Variants in FRAS1 observed in about 807,000 individuals in gnomAD.
FRAS1 encodes Fraser extracellular matrix complex subunit 1.
In FRAS1, 290 loss-of-function variants were observed where a neutral mutation model predicts 435.2. The ratio of observed to expected loss-of-function variants is 0.67; its 90% CI spans 0.61 to 0.73. The LOEUF is 0.73. Among genes scored for constraint, FRAS1 ranks in the 30% least tolerant of loss-of-function variants. The pLI, the probability that FRAS1 is intolerant of heterozygous loss-of-function variation, is 0.00. For missense variants in FRAS1, 4,860 were observed against 5,001.5 expected, an observed-to-expected ratio of 0.97 and a Z score of 0.85; for synonymous variants, 1,800 against 1,851.0, an observed-to-expected ratio of 0.97 and a Z score of 0.71.
chr4:78,078,351 A>G (rs544934833), intron 2 of FRAS1, among the ~76,000 whole-genome samples: 1 of 152,296 alleles, frequency 6.6e-6, no homozygotes, highest in South Asian at 2.1e-4. Flanking sequence ...CTATACATTT[A>G]ATACATATTA....
At chr4:78,331,859 C>T (rs1211931638) in intron 18 of FRAS1, among the ~76,000 whole-genome samples, 1 of 152,040 alleles carries the variant, frequency 6.6e-6, no homozygotes, top group Non-Finnish European at 1.5e-5. Context: ...TTTATTATTC[C>T]GATGTGTTGA....
At chr4:78,111,752 T>TAA (rs564909222) in intron 2 of FRAS1, among the ~76,000 whole-genome samples, 93 of 105,026 alleles carry the variant, frequency 8.9e-4, no homozygotes, top group African/African-American at 2.6e-3. Flanking sequence ...TAGAGTATAA[T>TAA]AAAAAAAAAA....
intron 32 of FRAS1, 140 bp downstream of exon 32, chr4:78,413,225 T>G (rs1356346303): frequency 2.0e-6 from 1 of 506,920 alleles, no homozygotes; most frequent in Non-Finnish European, 3.5e-6. Flanking sequence ...AGCCTAGTGG[T>G]CACATTTCTC....
intron 2 of FRAS1, among the ~76,000 whole-genome samples, chr4:78,173,185 G>A (rs1325418271): frequency 6.6e-6 from 1 of 152,152 alleles, no homozygotes; most frequent in Non-Finnish European, 1.5e-5. Context: ...CTGGGGTTTT[G>A]TCACAGTCTG....
At chr4:78,429,307 G>C in intron 36 of FRAS1, 81 bp downstream of exon 36, 2 of 1,468,644 alleles carry the variant, frequency 1.4e-6, no homozygotes, top group Non-Finnish European at 1.8e-6. Context: ...CTTGATGGTT[G>C]CCAAAAAAGC....
intron 3 of FRAS1, among the ~76,000 whole-genome samples, chr4:78,240,220 G>A (rs1724942617): frequency 6.6e-6 from 1 of 152,040 alleles, no homozygotes; most frequent in Admixed American, 6.6e-5. Context: ...TGGAATGTCT[G>A]GCTTTTTTAG....
intron 40 of FRAS1, among the ~76,000 whole-genome samples, chr4:78,439,655 T>C (rs114091807): frequency 0.012 from 1,853 of 152,202 alleles, 43 homozygotes; most frequent in African/African-American, 0.042. Context: ...TTTAATTCTC[T>C]TATTTATTTT....
intron 2 of FRAS1, among the ~76,000 whole-genome samples, chr4:78,167,085 A>G (rs180808309): frequency 1.6e-3 from 244 of 152,344 alleles, no homozygotes; most frequent in African/African-American, 5.6e-3. Flanking sequence ...TCATCAGTAT[A>G]GTTGCCCTAA....
intron 2 of FRAS1, among the ~76,000 whole-genome samples, chr4:78,201,462 A>C (rs1437734262): frequency 6.6e-6 from 1 of 152,182 alleles, no homozygotes; most frequent in Non-Finnish European, 1.5e-5. Context: ...TGCTTTGGAT[A>C]AGAAACCCAT....
At chr4:78,512,478 C>T (rs1721070648) in intron 64 of FRAS1, among the ~76,000 whole-genome samples, 1 of 151,508 alleles carries the variant, frequency 6.6e-6, no homozygotes, top group South Asian at 2.1e-4. Flanking sequence ...TCAAAACACA[C>T]TTTCAGTAAA....
At chr4:78,366,855 G>A (rs963889673) in intron 22 of FRAS1, among the ~76,000 whole-genome samples, 1 of 152,156 alleles carries the variant, frequency 6.6e-6, no homozygotes, top group Non-Finnish European at 1.5e-5. Context: ...CGGAAGCTGA[G>A]AACCCGAGGG....
rs186811333 is a variant in FRAS1, at chr4:78,267,337, G to A, written c.886G>A (p.Glu296Lys). The A allele has an allele frequency of 1.2e-3, 1,909 of 1,613,832 alleles. 3 individuals carry two copies. The highest frequency in any genetic ancestry group is 3.5e-3 in the Middle Eastern group (21 of 6,062). ...SYDGVVRYQD[E>K]MWKGSACEFC... Reference sequence around the variant, plus strand: ...TGATGGAGTTGTGCGGTACCAGGACGAAATGTGGAAGGGCTCGGCCTGTGA... The same window carrying A: ...TGATGGAGTTGTGCGGTACCAGGACAAAATGTGGAAGGGCTCGGCCTGTGA... The change falls in exon 9 of 74, where the codon GAA (glutamate) becomes AAA (lysine). Residue 296 changes from glutamate to lysine, a missense_variant. By Grantham distance (56) the Glu-to-Lys change is moderately conservative. Coordinates refer to ENST00000512123, the MANE Select transcript of FRAS1 (RefSeq NM_025074.7).
intron 2 of FRAS1, among the ~76,000 whole-genome samples, chr4:78,182,403 C>A (rs1260475799): frequency 6.6e-6 from 1 of 152,110 alleles, no homozygotes; most frequent in Non-Finnish European, 1.5e-5. Flanking sequence ...TCTTAGAAGA[C>A]AAGTAAGAGG....
chr4:78,494,495 G>T (rs77369244), intron 59 of FRAS1, among the ~76,000 whole-genome samples: 2 of 152,058 alleles, frequency 1.3e-5, no homozygotes, highest in Non-Finnish European at 2.9e-5. Flanking sequence ...AAGAGAGAGG[G>T]TAGGGAGGTG....
intron 30 of FRAS1, among the ~76,000 whole-genome samples, chr4:78,405,653 A>G (rs1392731371): frequency 6.6e-6 from 1 of 152,230 alleles, no homozygotes; most frequent in Non-Finnish European, 1.5e-5. Flanking sequence ...TCAATTGCCC[A>G]ATATGTCTAG....
rs747858421 is a variant in FRAS1 at position 78,429,225 on chromosome 4, A to G, written c.4842A>G (p.Val1614=). Residue 1614 remains valine, a splice_region_variant and synonymous_variant, in exon 36 of 74, where the codon GTA becomes GTG. Transcript: ENST00000512123. ...LAVSPGGSTS[V]GLQVVVRDAE... is the part of the protein sequence containing the mutation. Reference sequence around the variant, plus strand: ...TCAGCCCAGGAGGCAGCACTTCTGTAGGTAAGAACTGGGAGCCTGATAGAA... The same window carrying G: ...TCAGCCCAGGAGGCAGCACTTCTGTGGGTAAGAACTGGGAGCCTGATAGAA... The G allele has an allele frequency of 4.4e-6, 7 of 1,606,286 alleles. No homozygotes were observed. Among genetic ancestry groups the G allele is most frequent in the Non-Finnish European group, 6.0e-6 (7 of 1,176,468 alleles).
intron 37 of FRAS1, among the ~76,000 whole-genome samples, chr4:78,430,867 A>T (rs1439779004): frequency 1.3e-5 from 2 of 152,174 alleles, no homozygotes; most frequent in African/African-American, 2.4e-5. Flanking sequence ...CACATTTTTG[A>T]AGTATTATCT....
intron 18 of FRAS1, chr4:78,319,446 G>C (rs762856588): frequency 2.2e-6 from 1 of 456,728 alleles, no homozygotes; most frequent in East Asian, 6.9e-5. Context: ...ATGACATCCT[G>C]AATAAATAAT....
At position 78,473,587 on chromosome 4, in the gene FRAS1, A is replaced by G; in HGVS notation, c.7672A>G (p.Lys2558Glu). Residue 2558 changes from lysine (K) to glutamate (E), a missense_variant, in exon 53 of 74, where the codon AAA (lysine) becomes GAA (glutamate). By Grantham distance (56) the Lys-to-Glu change is moderately conservative (BLOSUM62 1). Transcript: ENST00000512123. The part of the protein sequence containing the change: ...FHIQWSLISF[K>E]YTSYNVSEKA... Reference sequence around the variant, plus strand: ...TATCCAGTGGTCACTCATCAGCTTTAAATATACCAGGTACAAGTTTTACTG... The same window carrying G: ...TATCCAGTGGTCACTCATCAGCTTTGAATATACCAGGTACAAGTTTTACTG... 6.3e-7 allele frequency: 1 copy of G among 1,593,690 alleles called. No homozygotes were observed. The highest frequency in any genetic ancestry group is 8.6e-7 in the Non-Finnish European group (1 of 1,168,750).
Sources: gnomAD v4.1 joint callset for allele counts (sites outside exome capture counted in the v4.1 genomes callset) on GRCh38, gnomAD v4.1.1 for gene constraint, MANE v1.5 for transcripts, NCBI Gene and HGNC (gene_info 2026-07-23, HGNC 2026-07-21) for gene names.